RSBN1L: variants seen among roughly 807,000 people sequenced by gnomAD.
The protein encoded by RSBN1L is lysine-specific demethylase RSBN1L.
In RSBN1L, 30 loss-of-function variants were observed where a neutral mutation model predicts 67.7. The observed-to-expected ratio is 0.44, with a 90% CI of 0.33 to 0.60. RSBN1L has a LOEUF of 0.60. Ranked by LOEUF, RSBN1L falls within the 20% of genes least tolerant of loss-of-function variation. The pLI is 0.02. For synonymous variants in RSBN1L, 433 were observed against 387.0 expected (o/e 1.12, Z -1.39); for missense variants, 992 against 1,031.7 (o/e 0.96, Z 0.53).
At chr7:77,719,548 G>T (rs934696411) in intron 1 of RSBN1L, among the ~76,000 whole-genome samples, 1 of 152,196 alleles carries the variant, frequency 6.6e-6, no homozygotes, top group Non-Finnish European at 1.5e-5. Flanking sequence ...ACGATTCAGT[G>T]ATTTAAAGTG....
intron 3 of RSBN1L, among the ~76,000 whole-genome samples, chr7:77,758,805 CAAATA>C (rs1791658721): frequency 6.6e-6 from 1 of 152,086 alleles, no homozygotes; most frequent in South Asian, 2.1e-4. Flanking sequence ...TAGAAAAAGG[CAAATA>C]AAATAGGAAT....
intron 3 of RSBN1L, among the ~76,000 whole-genome samples, chr7:77,763,594 G>C (rs550873527): frequency 2.5e-4 from 38 of 152,180 alleles, no homozygotes; most frequent in Non-Finnish European, 4.4e-4. Context: ...GGCTTTAACT[G>C]TTAGCTCTCT....
At chr7:77,742,180 A>ACACACACACACACAC (rs60910312) in intron 2 of RSBN1L, among the ~76,000 whole-genome samples, 1 of 82,178 alleles carries the variant, frequency 1.2e-5, no homozygotes, top group African/African-American at 6.2e-5. Context: ...AAAAAAAAAA[A>ACACACACACACACAC]ATACACACAC....
intron 4 of RSBN1L, among the ~76,000 whole-genome samples, chr7:77,768,148 C>T (rs1374793263): frequency 5.3e-5 from 8 of 152,014 alleles, no homozygotes; most frequent in Non-Finnish European, 8.8e-5. Flanking sequence ...AGCCACTGCG[C>T]GCCCAGCCTT....
At chr7:77,761,535 T>C (rs187167203) in intron 3 of RSBN1L, among the ~76,000 whole-genome samples, 5 of 152,346 alleles carry the variant, frequency 3.3e-5, no homozygotes, top group East Asian at 1.9e-4. Flanking sequence ...ATATTTGGTA[T>C]ATAGTTTTGC....
At chr7:77,746,581 A>G (rs1202450745) in intron 2 of RSBN1L, among the ~76,000 whole-genome samples, 1 of 152,186 alleles carries the variant, frequency 6.6e-6, no homozygotes, top group Non-Finnish European at 1.5e-5. Context: ...TCACATTGCA[A>G]AATTCAGTCA....
At position 77,716,265 on chromosome 7, in the gene RSBN1L, G is replaced by C. The variant is rs369461459; in HGVS notation, c.586+19210G>C. ...CAATGCATTTTGAAAACTTCCGTCT[G>C]TAAGGTTTGGGTCAAGATTCCCTTT... On this transcript the variant is annotated intron_variant, in intron 1 of 7. Transcript: ENST00000334955. 1.1e-4 allele frequency among the ~76,000 whole-genome samples: 17 copies of C among 152,212 alleles called. No homozygotes were observed. The East Asian group carries it at 3.1e-3, about 28-fold the overall frequency.
At chr7:77,760,574 T>C (rs976053735) in intron 3 of RSBN1L, among the ~76,000 whole-genome samples, 4 of 152,252 alleles carry the variant, frequency 2.6e-5, no homozygotes, top group Non-Finnish European at 5.9e-5. Flanking sequence ...TGTATAATCT[T>C]TGTAATTCAG....
chr7:77,751,575 A>G (rs1791556969), intron 3 of RSBN1L, among the ~76,000 whole-genome samples: 1 of 152,238 alleles, frequency 6.6e-6, no homozygotes, highest in Non-Finnish European at 1.5e-5. Flanking sequence ...TAGAAACCCA[A>G]AATGGTGAGT....
At chr7:77,706,060 G>A (rs931408248) in intron 1 of RSBN1L, among the ~76,000 whole-genome samples, 17 of 150,446 alleles carry the variant, frequency 1.1e-4, no homozygotes, top group African/African-American at 3.4e-4. Context: ...CACCATGCCC[G>A]CCTAACTTTT....
chr7:77,716,456 CTT>C (rs371514466), intron 1 of RSBN1L, among the ~76,000 whole-genome samples: 2 of 140,382 alleles, frequency 1.4e-5, no homozygotes, highest in Non-Finnish European at 3.1e-5. Context: ...TGTCTGGCTC[CTT>C]TTTTTTTTTT....
At chr7:77,747,657 A>G (rs867422459) in intron 2 of RSBN1L, among the ~76,000 whole-genome samples, 5 of 152,196 alleles carry the variant, frequency 3.3e-5, no homozygotes, top group South Asian at 2.1e-4. Flanking sequence ...AAACACCTGG[A>G]TGTTCAGGCA....
At chr7:77,771,378 T>C (rs1214495440) in intron 5 of RSBN1L, among the ~76,000 whole-genome samples, 1 of 152,198 alleles carries the variant, frequency 6.6e-6, no homozygotes, top group Non-Finnish European at 1.5e-5. Context: ...GCAGGGACTT[T>C]GTTGGGTTTG....
chr7:77,758,650 C>T (rs1476390995), intron 3 of RSBN1L, among the ~76,000 whole-genome samples: 2 of 152,166 alleles, frequency 1.3e-5, no homozygotes, highest in African/African-American at 4.8e-5. Context: ...GGCAAAATCA[C>T]ATTGCACAGG....
At chr7:77,736,687 C>G (rs1200487985) in intron 2 of RSBN1L, among the ~76,000 whole-genome samples, 161 bp downstream of exon 2, 2 of 152,088 alleles carry the variant, frequency 1.3e-5, no homozygotes, top group Admixed American at 1.3e-4. Context: ...GAGTTCTAAT[C>G]TGTATGGTAA....
chr7:77,731,573 T>G (rs984265262), intron 1 of RSBN1L, among the ~76,000 whole-genome samples: 1 of 152,180 alleles, frequency 6.6e-6, no homozygotes, highest in African/African-American at 2.4e-5. Context: ...TATTATTGAG[T>G]TTAAAGAGTT....
chr7:77,772,969 T>C (rs1283190237), intron 5 of RSBN1L, among the ~76,000 whole-genome samples, 178 bp from the exon 6 acceptor site: 3 of 152,214 alleles, frequency 2.0e-5, no homozygotes, highest in Non-Finnish European at 2.9e-5. Flanking sequence ...GTTGTGAAGG[T>C]ATATTAGAAA....
intron 1 of RSBN1L, among the ~76,000 whole-genome samples, chr7:77,699,692 C>G (rs936334022): frequency 6.6e-6 from 1 of 152,314 alleles, no homozygotes; most frequent in Middle Eastern, 3.4e-3. Flanking sequence ...CTCACAATCT[C>G]TAAGGCCATC....
chr7:77,715,075 C>T (rs1263676782), intron 1 of RSBN1L, among the ~76,000 whole-genome samples: 1 of 151,768 alleles, frequency 6.6e-6, no homozygotes, highest in African/African-American at 2.4e-5. Context: ...AGTTTAAGAC[C>T]AGCCTGACCA....
Sources: gnomAD v4.1 joint callset for allele counts (sites outside exome capture counted in the v4.1 genomes callset) on GRCh38, gnomAD v4.1.1 for gene constraint, MANE v1.5 for transcripts, NCBI Gene and HGNC (gene_info 2026-07-23, HGNC 2026-07-21) for gene names.